The following ESPN variants were observed in gnomAD, a reference collection of about 807,000 sequenced individuals.
The protein encoded by ESPN is autosomal recessive deafness type 36 protein.
In ESPN, 68 loss-of-function variants were observed where a neutral mutation model predicts 77.7. The observed-to-expected ratio is 0.87, with a 90% CI of 0.72 to 1.07. The LOEUF (loss-of-function observed/expected upper bound fraction) is 1.07, where lower values mean the gene tolerates loss of function less well. ESPN is among the 50% of genes least tolerant of loss of function. The probability of loss-of-function intolerance (pLI) is 0.00; values close to 1 mark genes in which losing one functional copy is unlikely to be tolerated. For synonymous variants in ESPN, 449 were observed against 567.1 expected (o/e 0.79, Z 2.96); for missense variants, 1,060 against 1,239.0 (o/e 0.86, Z 2.17).
rs1263900551 is a variant in ESPN at position 6,441,059 on chromosome 1, G to A, written c.984G>A (p.Glu328=). ...GCACCCGCTACCTGCGCACGGTGGA[G>A]AACCTGGTACGATCCCTGAGCTGCT... ...SHCTRYLRTV[E]NLSVEHRVLS... is the part of the protein sequence containing the mutation. Residue 328 remains glutamate, a synonymous_variant, in exon 5 of 13, where the codon GAG becomes GAA. Transcript: ENST00000645284. The A allele has an allele frequency of 1.2e-6, 2 of 1,611,192 alleles. No homozygotes were observed. The highest frequency in any genetic ancestry group is 1.1e-5 in the South Asian group (1 of 90,662).
chr1:6,444,334 C>T (rs1348413120), intron 5 of ESPN, 147 bp from the exon 6 acceptor site: 17 of 793,038 alleles, frequency 2.1e-5, no homozygotes, highest in African/African-American at 8.5e-5. Context: ...ACCTGAGAGA[C>T]CGTCTAGTGA....
In ESPN at chr1:6,451,149, C is replaced by A. The variant is rs1234647066; in HGVS notation, c.1916-454C>A. Among the ~76,000 whole-genome samples the A allele has an allele frequency of 6.6e-5, 10 of 152,126 alleles. No individual in the cohort carries two copies. On this transcript the variant is annotated intron_variant, in intron 8 of 12. Coordinates refer to ENST00000645284, the MANE Select transcript of ESPN (RefSeq NM_031475.3). This position sits in a 1 kb window ranked among gnomAD's most constrained non-coding sequence, Gnocchi z 4.3. The stretch of plus-strand genomic sequence containing the variant: ...TCCGGACTTTATGTCCATGGAGGCC[C>A]CAATTGACTCAGTTCAAGGGTCACT...
intron 2 of ESPN, among the ~76,000 whole-genome samples, chr1:6,434,636 T>G (rs1007222963): frequency 2.0e-5 from 3 of 152,164 alleles, no homozygotes; most frequent in Admixed American, 2.0e-4. Flanking sequence ...TGGATGTCCC[T>G]TCTCATATTT....
rs1266685129 is a variant in ESPN, at chr1:6,429,164, C to T, written c.488+745C>T. Among the ~76,000 whole-genome samples the T allele has an allele frequency of 3.3e-5, 5 of 151,906 alleles. No homozygotes were observed. The South Asian group carries it at 1.0e-3, about 32-fold the overall frequency. ...GGGGAGGCAGGGATCCTGGGGAAAG[C>T]TGCCCAGGGCCTGTCTGAGAGGGTA... On this transcript the variant is annotated intron_variant, in intron 2 of 12. Coordinates refer to ENST00000645284, the MANE Select transcript of ESPN (RefSeq NM_031475.3).
At position 6,447,639 on chromosome 1, in the gene ESPN, C is replaced by T. The variant is rs1241212921; in HGVS notation, c.1465-1002C>T. ...GGGAAGCCACGCTGTCACCCGACCCCGCCTTACGGCCCCTGAAATCCGAGG... is the reference window on the plus strand; with the variant it reads ...GGGAAGCCACGCTGTCACCCGACCCTGCCTTACGGCCCCTGAAATCCGAGG... On this transcript the variant is annotated intron_variant, in intron 7 of 12. Coordinates refer to ENST00000645284, the MANE Select transcript of ESPN (RefSeq NM_031475.3). The surrounding 1 kb of genome is among the most constrained non-coding windows in gnomAD (Gnocchi z 5.2). 6.6e-6 allele frequency among the ~76,000 whole-genome samples: 1 copy of T among 152,168 alleles called. No individual in the cohort carries two copies. The highest frequency in any genetic ancestry group is 1.5e-5 in the Non-Finnish European group (1 of 68,022).
At chr1:6,457,131 GCCCCCTATCTCC>G in intron 10 of ESPN, 41 bp from the exon 11 acceptor site, 1 of 1,527,902 alleles carries the variant, frequency 6.5e-7, no homozygotes, top group Non-Finnish European at 8.9e-7. Context: ...GGTTGAGGGT[GCCCCCTATCTCC>G]CAGCCCCTGC....
chr1:6,451,408 C>T lies in ESPN; in HGVS notation c.1916-195C>T. The T allele has an allele frequency of 1.4e-6, 1 of 706,176 alleles. No homozygotes were observed. Among genetic ancestry groups the T allele is most frequent in the Non-Finnish European group, 2.4e-6 (1 of 418,332 alleles). 43.7% of individuals were successfully genotyped at this position (706,176 alleles called of 1,614,324 possible). On this transcript the variant is annotated intron_variant, in intron 8 of 12. Coordinates refer to ENST00000645284, the MANE Select transcript of ESPN (RefSeq NM_031475.3). The surrounding 1 kb of genome is among the most constrained non-coding windows in gnomAD (Gnocchi z 4.3). Reference sequence around the variant, plus strand: ...GGGAAGATGGTGGGGTTGCCACAGTCAGGGAACCAAGGGCCCGCCTCTGGG... The same window carrying T: ...GGGAAGATGGTGGGGTTGCCACAGTTAGGGAACCAAGGGCCCGCCTCTGGG...
At chr1:6,435,955 A>C (rs949789466) in intron 2 of ESPN, among the ~76,000 whole-genome samples, 11 of 152,208 alleles carry the variant, frequency 7.2e-5, no homozygotes, top group Non-Finnish European at 1.2e-4. Flanking sequence ...AAGAGACAAG[A>C]AGCAAGACTG....
At chr1:6,461,004 G>A, downstream of ESPN, 1 of 390,060 alleles carries the variant, frequency 2.6e-6, no homozygotes, top group Non-Finnish European at 5.2e-6. This position sits in a 1 kb window ranked among gnomAD's most constrained non-coding sequence, Gnocchi z 6.3. Context: ...AGTGGACTCG[G>A]GAGGGGCAGG....
downstream of ESPN, chr1:6,461,305 G>T: frequency 8.2e-7 from 1 of 1,219,604 alleles, no homozygotes; most frequent in Non-Finnish European, 1.2e-6. This position sits in a 1 kb window ranked among gnomAD's most constrained non-coding sequence, Gnocchi z 6.3. Context: ...GGTGGGGCCG[G>T]CTGGTGCTGC....
chr1:6,438,618 G>A (rs771201330), intron 2 of ESPN, among the ~76,000 whole-genome samples: 4 of 152,228 alleles, frequency 2.6e-5, no homozygotes, highest in Non-Finnish European at 5.9e-5. Flanking sequence ...AGACAGATGG[G>A]TGTTCAAATG....
chr1:6,440,073 G>A (rs1643563179), intron 2 of ESPN, among the ~76,000 whole-genome samples, 181 bp from the exon 3 acceptor site: 1 of 152,036 alleles, frequency 6.6e-6, no homozygotes, highest in Non-Finnish European at 1.5e-5. Flanking sequence ...ACCTCTGAGG[G>A]AGGGTGGCTC....
At position 6,450,489 on chromosome 1, in the gene ESPN, G is replaced by A. The variant is rs567259242; in HGVS notation, c.1916-1114G>A. On this transcript the variant is annotated intron_variant, in intron 8 of 12. Coordinates refer to ENST00000645284, the MANE Select transcript of ESPN (RefSeq NM_031475.3). The surrounding 1 kb of genome is among the most constrained non-coding windows in gnomAD (Gnocchi z 4.3). ...AGGAAGAGTGAGTAGCTGCGTGCGC[G>A]GCTCCTGGCTGAGGCTGAGGCGCGG... is the stretch of plus-strand genomic sequence containing the variant. 60 of 970,506 alleles carry A rather than the reference G, an allele frequency of 6.2e-5. 1 individual carries two copies. In the South Asian group the frequency reaches 2.2e-3, roughly 35 times the overall value. 60.1% of individuals were successfully genotyped at this position (970,506 alleles called of 1,614,324 possible).
intron 7 of ESPN, among the ~76,000 whole-genome samples, chr1:6,446,319 G>A (rs1429333659): frequency 6.6e-6 from 1 of 152,160 alleles, no homozygotes; most frequent in Non-Finnish European, 1.5e-5. Flanking sequence ...AGGCTCAGTC[G>A]GAGAGTGTCA....
Position 6,460,166 on chromosome 1 carries a change from G to T in ESPN, c.*20G>T. 6.2e-7 allele frequency: 1 copy of T among 1,605,376 alleles called. No individual in the cohort carries two copies. The highest frequency in any genetic ancestry group is 8.5e-7 in the Non-Finnish European group (1 of 1,175,298). ...TACTAGAGGCCGCAGACTCCTGTCC[G>T]CAGCCTCGCAGCTCCGTGGGGCCCT... On this transcript the variant is annotated 3_prime_UTR_variant, in exon 13 of 13. Coordinates refer to ENST00000645284, the MANE Select transcript of ESPN (RefSeq NM_031475.3).
rs1322786740 is a variant in ESPN, at chr1:6,424,781, G to T, written c.-175G>T. ...CGTCCGCGGGCTCCGGCCCCAGAGC[G>T]CGGCGGAGCGGAGCGCCAGGCAGCG... On this transcript the variant is annotated 5_prime_UTR_variant, in exon 1 of 13. Transcript: ENST00000645284. The T allele has an allele frequency of 4.6e-6, 3 of 645,236 alleles. No individual in the cohort carries two copies. Among genetic ancestry groups the T allele is most frequent in the Non-Finnish European group, 6.5e-6 (3 of 465,040 alleles). 40.0% of individuals were successfully genotyped at this position (645,236 alleles called of 1,614,324 possible). A position where few individuals can be genotyped will look rare whatever the true frequency, so the allele number is the denominator to read the frequency against.
chr1:6,436,867 G>T (rs1378879287), intron 2 of ESPN, among the ~76,000 whole-genome samples: 2 of 152,126 alleles, frequency 1.3e-5, no homozygotes, highest in Non-Finnish European at 2.9e-5. Context: ...AGTGCCCATT[G>T]TTCTTCTTGT....
At chr1:6,445,359 T>G (rs1400907668) in intron 6 of ESPN, among the ~76,000 whole-genome samples, 1 of 152,232 alleles carries the variant, frequency 6.6e-6, no homozygotes, top group Non-Finnish European at 1.5e-5. Flanking sequence ...GATGTGGCCA[T>G]CCGTACTCCC....
chr1:6,459,794 C>T (rs1372361512), intron 12 of ESPN, among the ~76,000 whole-genome samples: 1 of 152,218 alleles, frequency 6.6e-6, no homozygotes, highest in Admixed American at 6.5e-5. Context: ...TAACCTCCCA[C>T]TCACCCAGCT....
Sources: allele counts gnomAD v4.1 joint callset (sites outside exome capture counted in the v4.1 genomes callset), GRCh38; gene constraint gnomAD v4.1.1; non-coding constraint Gnocchi (gnomAD v3.1); transcripts MANE v1.5; gene names NCBI Gene and HGNC (gene_info 2026-07-23, HGNC 2026-07-21).